GALNT13: variants seen among roughly 807,000 people sequenced by gnomAD.
GALNT13 encodes the protein polypeptide N-acetylgalactosaminyltransferase 13.
GALNT13 carries 28 observed loss-of-function variants against 64.2 expected under a neutral mutation model. That is an observed-to-expected ratio of 0.44 (90% CI 0.32 to 0.60). The LOEUF (loss-of-function observed/expected upper bound fraction) is 0.60. Among genes scored for constraint, GALNT13 ranks in the 20% least tolerant of loss-of-function variants. The probability of loss-of-function intolerance (pLI) is 0.05; values close to 1 mark genes in which losing one functional copy is unlikely to be tolerated. For synonymous variants in GALNT13, 214 were observed against 224.6 expected, an observed-to-expected ratio of 0.95 and a Z score of 0.42; for missense variants, 577 against 669.8, an observed-to-expected ratio of 0.86 and a Z score of 1.53.
At chr2:154,074,666 A>G (rs2105398077) in intron 3 of GALNT13, among the ~76,000 whole-genome samples, 1 of 152,106 alleles carries the variant, frequency 6.6e-6, no homozygotes, top group Non-Finnish European at 1.5e-5. Flanking sequence ...ATCCTTGATG[A>G]ACATAAATGT....
At chr2:154,232,899 G>A (rs6711255) in intron 4 of GALNT13, among the ~76,000 whole-genome samples, 51 of 151,354 alleles carry the variant, frequency 3.4e-4, no homozygotes, top group African/African-American at 1.1e-3. Context: ...AAAATAAGTC[G>A]GGAGTGGTGG....
intron 4 of GALNT13, among the ~76,000 whole-genome samples, chr2:154,145,100 CTATATATA>C (rs1553484442): frequency 1.7e-5 from 2 of 119,532 alleles, no homozygotes; most frequent in African/African-American, 6.1e-5. Context: ...ATCTATCTAT[CTATATATA>C]TATATATATA....
the GALNT13 span, among the ~76,000 whole-genome samples, chr2:153,424,761 A>T: frequency 1.3e-4 from 19 of 151,856 alleles, no homozygotes; most frequent in Non-Finnish European, 2.7e-4. Context: ...TCTTTCATAA[A>T]CTCCTGCATA....
the GALNT13 span, among the ~76,000 whole-genome samples, chr2:153,322,409 A>G: frequency 6.6e-6 from 1 of 151,978 alleles, no homozygotes; most frequent in Non-Finnish European, 1.5e-5. Context: ...TATCCATTCC[A>G]TCACTGATGG....
At chr2:153,855,121 C>A in the GALNT13 span, among the ~76,000 whole-genome samples, 3 of 151,958 alleles carry the variant, frequency 2.0e-5, no homozygotes, top group African/African-American at 7.3e-5. Context: ...GAATAGTTTC[C>A]TAATAATGCT....
the GALNT13 span, among the ~76,000 whole-genome samples, chr2:153,286,034 ATAAC>A: frequency 5.3e-5 from 8 of 152,274 alleles, no homozygotes; most frequent in East Asian, 7.7e-4. Context: ...GGAATATAGA[ATAAC>A]TAATAGCAGA....
chr2:154,156,295 A>G (rs1041017412), intron 4 of GALNT13, among the ~76,000 whole-genome samples: 2 of 152,064 alleles, frequency 1.3e-5, no homozygotes, highest in African/African-American at 4.8e-5. Context: ...ATATTCATCC[A>G]GTGTCTCATT....
At chr2:153,175,592 AAAAG>A in the GALNT13 span, among the ~76,000 whole-genome samples, 1 of 152,230 alleles carries the variant, frequency 6.6e-6, no homozygotes, top group Non-Finnish European at 1.5e-5. Context: ...GCTTTTTACT[AAAAG>A]AGAAGCATCT....
the GALNT13 span, among the ~76,000 whole-genome samples, chr2:153,085,059 T>A: frequency 6.6e-6 from 1 of 152,106 alleles, no homozygotes; most frequent in Non-Finnish European, 1.5e-5. Flanking sequence ...GAGGAACTTG[T>A]GGGAAGTGGA....
chr2:154,134,742 G>A (rs528729394), intron 3 of GALNT13, among the ~76,000 whole-genome samples: 181 of 152,252 alleles, frequency 1.2e-3, no homozygotes, highest in Non-Finnish European at 2.2e-3. Context: ...CTGTAATCCC[G>A]ACAGTCTGGG....
At chr2:153,268,247 A>T in the GALNT13 span, among the ~76,000 whole-genome samples, 4 of 152,208 alleles carry the variant, frequency 2.6e-5, no homozygotes, top group Non-Finnish European at 5.9e-5. Flanking sequence ...TTGAGTAAAT[A>T]CACCTCTTCC....
intron 7 of GALNT13, among the ~76,000 whole-genome samples, chr2:154,251,203 C>G (rs1233126185): frequency 6.6e-6 from 1 of 151,912 alleles, no homozygotes; most frequent in Non-Finnish European, 1.5e-5. Context: ...GTCACATGAA[C>G]CAAAATATTT....
intron 6 of GALNT13, among the ~76,000 whole-genome samples, chr2:154,243,848 T>A (rs1260784743): frequency 6.6e-6 from 1 of 152,182 alleles, no homozygotes; most frequent in Non-Finnish European, 1.5e-5. Flanking sequence ...AGCTACTTAG[T>A]CTGAGCTAGT....
chr2:154,243,007 G>A (rs1573941707), intron 6 of GALNT13, 102 bp downstream of exon 6: 2 of 948,188 alleles, frequency 2.1e-6, no homozygotes, highest in East Asian at 5.3e-5. Flanking sequence ...ATTTTTAGAA[G>A]GTTTATTTTA....
the GALNT13 span, among the ~76,000 whole-genome samples, chr2:153,087,588 G>C: frequency 2.0e-5 from 3 of 152,106 alleles, no homozygotes; most frequent in African/African-American, 7.2e-5. Flanking sequence ...ATAGAATTCA[G>C]CTGTGAATGC....
chr2:154,023,833 C>T (rs1020423700), intron 3 of GALNT13, among the ~76,000 whole-genome samples: 3 of 152,148 alleles, frequency 2.0e-5, no homozygotes, highest in African/African-American at 4.8e-5. Context: ...TGGCTGGTAC[C>T]AGTTGTTCCT....
At chr2:154,264,552 G>A (rs779687987) in intron 8 of GALNT13, among the ~76,000 whole-genome samples, 10 of 151,422 alleles carry the variant, frequency 6.6e-5, no homozygotes, top group Non-Finnish European at 1.3e-4. Flanking sequence ...TAGAAGAATC[G>A]CTTGAACCCA....
At chr2:154,203,374 A>G (rs1687274346) in intron 4 of GALNT13, among the ~76,000 whole-genome samples, 1 of 152,132 alleles carries the variant, frequency 6.6e-6, no homozygotes, top group Admixed American at 6.6e-5. Context: ...CCTTACTGTC[A>G]AGCTGTCAGA....
At chr2:153,843,320 G>T in the GALNT13 span, among the ~76,000 whole-genome samples, 4 of 152,186 alleles carry the variant, frequency 2.6e-5, no homozygotes, top group Non-Finnish European at 2.9e-5. Flanking sequence ...AAGAGCAAAA[G>T]AGGTGGAGAG....
Sources: gnomAD v4.1 joint callset for allele counts (sites outside exome capture counted in the v4.1 genomes callset) on GRCh38, gnomAD v4.1.1 for gene constraint, MANE v1.5 for transcripts, NCBI Gene and HGNC (gene_info 2026-07-23, HGNC 2026-07-21) for gene names.